MAP3K7CL: variants seen among roughly 807,000 people sequenced by gnomAD.
MAP3K7CL encodes MAP3K7 C-terminal like.
MAP3K7CL carries 16 observed loss-of-function variants against 18.6 expected under a neutral mutation model. The observed-to-expected ratio is 0.86, with a 90% CI of 0.58 to 1.31. The LOEUF (loss-of-function observed/expected upper bound fraction) is 1.31. Among genes scored for constraint, MAP3K7CL ranks in the 50% most tolerant of loss-of-function variants. MAP3K7CL has a pLI of 0.00. For missense variants in MAP3K7CL, 163 were observed against 174.4 expected, an observed-to-expected ratio of 0.93 and a Z score of 0.37; for synonymous variants, 65 against 66.8, an observed-to-expected ratio of 0.97 and a Z score of 0.13.
At chr21:29,155,199 T>A (rs9305393) in intron 3 of MAP3K7CL, among the ~76,000 whole-genome samples, 32,539 of 152,108 alleles carry the variant, frequency 0.21, 3,590 homozygotes, top group East Asian at 0.27. Context: ...TGCTTGTTAA[T>A]TTTAAGACAT....
chr21:29,113,585 G>A (rs1320564844), intron 4 of MAP3K7CL, among the ~76,000 whole-genome samples: 1 of 152,126 alleles, frequency 6.6e-6, no homozygotes, highest in Non-Finnish European at 1.5e-5. Context: ...GAGTGCAGTG[G>A]CACAATCTCA....
chr21:29,141,617 A>G lies in MAP3K7CL; in HGVS notation c.71-7572A>G, dbSNP rs915102998. On this transcript the variant is annotated intron_variant, in intron 2 of 4. Coordinates refer to ENST00000399928, the MANE Select transcript of MAP3K7CL (RefSeq NM_001286620.2). The stretch of plus-strand genomic sequence containing the variant: ...GATGCATGATCTTGTTAGCCTGACA[A>G]TTTTAGGTACTGGTTAAGATAACAT... Among the ~76,000 whole-genome samples, 5 of 152,166 alleles carry G rather than the reference A, an allele frequency of 3.3e-5. No individual in the cohort carries two copies. In the East Asian group the frequency reaches 5.8e-4, roughly 18 times the overall value.
chr21:29,170,125 G>T (rs1169926479), intron 4 of MAP3K7CL, among the ~76,000 whole-genome samples: 1 of 152,186 alleles, frequency 6.6e-6, no homozygotes, highest in Non-Finnish European at 1.5e-5. Flanking sequence ...GTAGCTTGAT[G>T]TGCCAAGGTT....
At chr21:29,134,821 A>G (rs972624693) in intron 2 of MAP3K7CL, among the ~76,000 whole-genome samples, 3 of 152,312 alleles carry the variant, frequency 2.0e-5, no homozygotes, top group African/African-American at 7.2e-5. Context: ...AGGCCAAGGC[A>G]GGTGGATCAC....
chr21:29,083,949 A>T (rs547265733), upstream of MAP3K7CL, among the ~76,000 whole-genome samples: 377 of 147,006 alleles, frequency 2.6e-3, 1 homozygote, highest in African/African-American at 8.5e-3. Context: ...ATCATTTAAT[A>T]TTATAATATA....
chr21:29,126,981 T>A (rs1200376123), upstream of MAP3K7CL, among the ~76,000 whole-genome samples: 2 of 152,196 alleles, frequency 1.3e-5, no homozygotes, highest in Non-Finnish European at 2.9e-5. Context: ...ATTTCTTTTT[T>A]AAAATTTCCA....
chr21:29,121,898 G>C (rs116755690), intron 4 of MAP3K7CL, among the ~76,000 whole-genome samples: 2,971 of 151,956 alleles, frequency 0.02, 94 homozygotes, highest in African/African-American at 0.067. Flanking sequence ...ATGTGTTCTT[G>C]CTGCATGAAG....
chr21:29,109,528 C>A, intron 4 of MAP3K7CL: 1 of 1,061,516 alleles, frequency 9.4e-7, no homozygotes, highest in Non-Finnish European at 1.1e-6. Context: ...TTTTGACCAG[C>A]AATTCCATAA....
At chr21:29,111,196 C>T (rs1415892891) in intron 4 of MAP3K7CL, among the ~76,000 whole-genome samples, 2 of 151,980 alleles carry the variant, frequency 1.3e-5, no homozygotes, top group Non-Finnish European at 2.9e-5. Context: ...GTGGAGGTTG[C>T]AGTGAGCCGA....
At chr21:29,128,095 A>G (rs912168896), upstream of MAP3K7CL, 2 of 152,200 alleles carry the variant, frequency 1.3e-5, no homozygotes, top group South Asian at 2.1e-4. Context: ...CAGGGGGCCA[A>G]TTTGAGAGAC....
chr21:29,169,048 A>G (rs766782645), intron 4 of MAP3K7CL, among the ~76,000 whole-genome samples: 41 of 152,320 alleles, frequency 2.7e-4, no homozygotes, highest in Middle Eastern at 3.4e-3. Context: ...TACATTGGCA[A>G]TACTTAAGAG....
At chr21:29,128,545 G>C (rs1303550197), upstream of MAP3K7CL, among the ~76,000 whole-genome samples, 1 of 151,802 alleles carries the variant, frequency 6.6e-6, no homozygotes, top group Non-Finnish European at 1.5e-5. Flanking sequence ...CTCATGATCT[G>C]CCTGCCTCAG....
At chr21:29,150,761 T>C (rs2087250857) in intron 3 of MAP3K7CL, among the ~76,000 whole-genome samples, 1 of 139,130 alleles carries the variant, frequency 7.2e-6, no homozygotes. Context: ...CAGCTCTCCC[T>C]CTACCTTTCC....
chr21:29,107,926 T>G (rs1413335533), intron 4 of MAP3K7CL, among the ~76,000 whole-genome samples: 3 of 152,238 alleles, frequency 2.0e-5, no homozygotes, highest in African/African-American at 7.2e-5. Context: ...GTTATCTCTC[T>G]TTTTGTATAT....
At chr21:29,128,656 ATAAT>A (rs1431785819), upstream of MAP3K7CL, among the ~76,000 whole-genome samples, 1 of 152,136 alleles carries the variant, frequency 6.6e-6, no homozygotes, top group Non-Finnish European at 1.5e-5. Flanking sequence ...GCTTGAACTA[ATAAT>A]TAGAAAACCT....
At chr21:29,129,128 T>C (rs1486948994), upstream of MAP3K7CL, among the ~76,000 whole-genome samples, 2 of 152,200 alleles carry the variant, frequency 1.3e-5, no homozygotes, top group Non-Finnish European at 2.9e-5. Context: ...TCCTCATCCC[T>C]CTAACCCCTA....
At chr21:29,115,777 T>G (rs774534187) in intron 4 of MAP3K7CL, among the ~76,000 whole-genome samples, 1 of 152,256 alleles carries the variant, frequency 6.6e-6, no homozygotes, top group African/African-American at 2.4e-5. Flanking sequence ...CCTCTGAGCA[T>G]GGGCCCTGTG....
At chr21:29,093,804 G>GT (rs2086073915) in intron 4 of MAP3K7CL, among the ~76,000 whole-genome samples, 1 of 152,014 alleles carries the variant, frequency 6.6e-6, no homozygotes, top group Non-Finnish European at 1.5e-5. Context: ...AAGGACCTAG[G>GT]TTTAAGTTCC....
chr21:29,167,033 G>A (rs1379528244), intron 4 of MAP3K7CL, among the ~76,000 whole-genome samples: 1 of 152,186 alleles, frequency 6.6e-6, no homozygotes, highest in East Asian at 1.9e-4. Flanking sequence ...GTGTATCAAG[G>A]TTCCAATTTT....
Sources: allele counts gnomAD v4.1 joint callset (sites outside exome capture counted in the v4.1 genomes callset), GRCh38; gene constraint gnomAD v4.1.1; transcripts MANE v1.5; gene names NCBI Gene and HGNC (gene_info 2026-07-23, HGNC 2026-07-21).